The following OTUD7A variants were observed in gnomAD, a reference collection of about 807,000 sequenced individuals.
The protein encoded by OTUD7A is OTU deubiquitinase 7A, also known as OTU domain-containing protein 7A.
A neutral mutation model predicts 65.7 loss-of-function variants in OTUD7A; 12 were observed. That is an observed-to-expected ratio of 0.18 (90% CI 0.12 to 0.30). OTUD7A has a LOEUF of 0.30. Among genes scored for constraint, OTUD7A ranks in the 10% least tolerant of loss-of-function variants. The probability of loss-of-function intolerance (pLI) is 1.00; values close to 1 mark genes in which losing one functional copy is unlikely to be tolerated. For missense variants in OTUD7A, 1,148 were observed against 1,304.8 expected, an observed-to-expected ratio of 0.88 and a Z score of 1.85; for synonymous variants, 641 against 586.3, an observed-to-expected ratio of 1.09 and a Z score of -1.35.
In OTUD7A at chr15:31,637,788, T is replaced by C. The variant is rs547515432; in HGVS notation, c.151+17308A>G. Among the ~76,000 whole-genome samples the C allele has an allele frequency of 2.6e-5, 4 of 152,270 alleles. No individual in the cohort carries two copies. In the East Asian group the frequency reaches 7.7e-4, roughly 29 times the overall value. ...GGGTCCAAGACTTCAGTGGAAGAATTAACTGCAGATGTGGTGGAAGAGAAC... is the reference window on the plus strand; with the variant it reads ...GGGTCCAAGACTTCAGTGGAAGAATCAACTGCAGATGTGGTGGAAGAGAAC... On this transcript the variant is annotated intron_variant, in intron 3 of 12. Transcript: ENST00000307050.
At chr15:31,507,634 T>TGGG (rs60691059) in intron 8 of OTUD7A, among the ~76,000 whole-genome samples, 1 of 69,414 alleles carries the variant, frequency 1.4e-5, no homozygotes, top group African/African-American at 6.8e-5. Context: ...CGCTGCTGGC[T>TGGG]GGGGGGCGGG....
intron 1 of OTUD7A, among the ~76,000 whole-genome samples, chr15:31,862,182 C>G (rs920301733): frequency 6.6e-6 from 1 of 152,186 alleles, no homozygotes; most frequent in African/African-American, 2.4e-5. Flanking sequence ...CTCTCTCCCA[C>G]CCCCTAGTTT....
intron 1 of OTUD7A, among the ~76,000 whole-genome samples, chr15:31,836,996 A>T (rs980959783): frequency 2.0e-5 from 3 of 152,198 alleles, no homozygotes; most frequent in Non-Finnish European, 4.4e-5. Context: ...CCATGCAATA[A>T]GGCCCAAGAA....
At position 31,483,764 on chromosome 15, in the gene OTUD7A, C is replaced by G. The variant is rs953515031; in HGVS notation, c.2332G>C (p.Val778Leu). The G allele has an allele frequency of 1.9e-5, 20 of 1,071,390 alleles. No individual in the cohort carries two copies. The African/African-American group carries it at 3.4e-4, about 18-fold the overall frequency. The allele number at this position is 1,071,390 out of a possible 1,614,324, so 66.4% of individuals were successfully genotyped here. Reference protein sequence around the residue: ...RSPPAPARQSVIHVQASGARD... With the variant: ...RSPPAPARQSLIHVQASGARD... ...GCGCCCGACGCCTGCACGTGGATGACGCTCTGGCGCGCTGGCGCCGGGGGG... is the reference window on the plus strand; with the variant it reads ...GCGCCCGACGCCTGCACGTGGATGAGGCTCTGGCGCGCTGGCGCCGGGGGG... Residue 778 changes from valine (V) to leucine (L), a missense_variant, in exon 13 of 13, where the codon GTC becomes CTC. By Grantham distance (32) the Val-to-Leu change is conservative. This residue lies in a region of OTUD7A where 842 missense variants were observed against 769.5 expected (regional missense o/e 1.09). Coordinates refer to ENST00000307050, the MANE Select transcript of OTUD7A (RefSeq NM_001382637.1).
At chr15:31,486,071 A>G (rs2041232870) in intron 12 of OTUD7A, among the ~76,000 whole-genome samples, 1 of 152,152 alleles carries the variant, frequency 6.6e-6, no homozygotes, top group African/African-American at 2.4e-5. Flanking sequence ...CCCTGGCTGG[A>G]AGGACCCTTC....
chr15:31,524,893 C>T (rs772031947), intron 8 of OTUD7A, among the ~76,000 whole-genome samples: 10 of 152,214 alleles, frequency 6.6e-5, no homozygotes, highest in Non-Finnish European at 1.0e-4. Context: ...ATCTGAATCC[C>T]TCGGGCCCCA....
At chr15:31,524,333 G>A (rs539802439) in intron 8 of OTUD7A, among the ~76,000 whole-genome samples, 1 of 152,260 alleles carries the variant, frequency 6.6e-6, no homozygotes, top group Non-Finnish European at 1.5e-5. Context: ...GTCAAAAGAG[G>A]AGACTTAATG....
At chr15:31,698,520 G>A (rs1337039502) in intron 1 of OTUD7A, among the ~76,000 whole-genome samples, 3 of 152,182 alleles carry the variant, frequency 2.0e-5, no homozygotes, top group African/African-American at 7.2e-5. Flanking sequence ...GACCTGCTGA[G>A]TTGGAAGTGG....
chr15:31,728,740 C>T (rs1244923693), intron 1 of OTUD7A, among the ~76,000 whole-genome samples: 1 of 152,224 alleles, frequency 6.6e-6, no homozygotes, highest in African/African-American at 2.4e-5. Flanking sequence ...TATTTTCTCA[C>T]GAACCCACTT....
intron 5 of OTUD7A, among the ~76,000 whole-genome samples, chr15:31,543,225 A>C (rs1254694248): frequency 6.6e-6 from 1 of 151,914 alleles, no homozygotes; most frequent in Non-Finnish European, 1.5e-5. Context: ...GTAGGTTAAG[A>C]TGTTAATTAA....
At chr15:31,520,994 G>A (rs2041929108) in intron 8 of OTUD7A, among the ~76,000 whole-genome samples, 2 of 152,154 alleles carry the variant, frequency 1.3e-5, no homozygotes, top group Non-Finnish European at 2.9e-5. Flanking sequence ...GGATGGATAT[G>A]GAAGCGATTA....
intron 3 of OTUD7A, among the ~76,000 whole-genome samples, chr15:31,617,587 C>T (rs956331724): frequency 2.0e-5 from 3 of 152,070 alleles, no homozygotes; most frequent in Non-Finnish European, 4.4e-5. Context: ...GGAATATATA[C>T]TGCATGATTC....
chr15:31,605,682 C>T (rs1309011088), intron 3 of OTUD7A, among the ~76,000 whole-genome samples: 1 of 152,220 alleles, frequency 6.6e-6, no homozygotes, highest in Non-Finnish European at 1.5e-5. Context: ...TTTTCAGACT[C>T]ATTTTCTTAA....
At chr15:31,591,165 C>T (rs1382653703) in intron 3 of OTUD7A, among the ~76,000 whole-genome samples, 1 of 151,918 alleles carries the variant, frequency 6.6e-6, no homozygotes, top group East Asian at 1.9e-4. Flanking sequence ...GGCTCAGAGG[C>T]TTGCAAAACC....
At chr15:31,579,619 C>A (rs540386959) in intron 3 of OTUD7A, among the ~76,000 whole-genome samples, 30 of 152,292 alleles carry the variant, frequency 2.0e-4, no homozygotes, top group Non-Finnish European at 2.9e-5. Context: ...ATTTTCAGAT[C>A]GTGATTGACC....
At chr15:31,551,370 C>T (rs138837109) in intron 5 of OTUD7A, among the ~76,000 whole-genome samples, 43 of 152,314 alleles carry the variant, frequency 2.8e-4, no homozygotes, top group African/African-American at 9.9e-4. Context: ...TTCCCAACTC[C>T]CCATGACATA....
intron 1 of OTUD7A, among the ~76,000 whole-genome samples, chr15:31,660,238 G>T (rs1318056667): frequency 6.6e-6 from 1 of 152,244 alleles, no homozygotes; most frequent in Non-Finnish European, 1.5e-5. Flanking sequence ...CTGGTAAGAA[G>T]ATCAGATGCC....
chr15:31,862,088 G>T (rs1258649810), intron 1 of OTUD7A, among the ~76,000 whole-genome samples: 1 of 152,162 alleles, frequency 6.6e-6, no homozygotes, highest in Non-Finnish European at 1.5e-5. Context: ...ACCCTCTCTG[G>T]TAGTACCTCA....
At chr15:31,630,181 G>T (rs1363492380) in intron 3 of OTUD7A, among the ~76,000 whole-genome samples, 4 of 148,486 alleles carry the variant, frequency 2.7e-5, no homozygotes, top group African/African-American at 1.0e-4. Flanking sequence ...TAACTGTGAC[G>T]TTAGGGTGTC....
Sources: allele counts gnomAD v4.1 joint callset (sites outside exome capture counted in the v4.1 genomes callset), GRCh38; gene constraint gnomAD v4.1.1; regional missense constraint gnomAD v4.1.1; transcripts MANE v1.5; gene names NCBI Gene and HGNC (gene_info 2026-07-23, HGNC 2026-07-21).